Variants in PDCD6 observed in about 807,000 individuals in gnomAD.
PDCD6 encodes programmed cell death protein 6.
In PDCD6, 12 loss-of-function variants were observed where a neutral mutation model predicts 28.3. The observed-to-expected ratio is 0.42, with a 90% confidence interval of 0.27 to 0.69. The LOEUF (loss-of-function observed/expected upper bound fraction) is 0.69. PDCD6 is among the 30% of genes least tolerant of loss of function. The probability of loss-of-function intolerance (pLI) is 0.22; values close to 1 mark genes in which losing one functional copy is unlikely to be tolerated. For missense variants in PDCD6, 226 were observed against 269.9 expected, an observed-to-expected ratio of 0.84 and a Z score of 1.14; for synonymous variants, 92 against 108.0, an observed-to-expected ratio of 0.85 and a Z score of 0.92.
At chr5:302,584 G>A (rs1490759804) in intron 2 of PDCD6, among the ~76,000 whole-genome samples, 2 of 150,016 alleles carry the variant, frequency 1.3e-5, no homozygotes, top group Non-Finnish European at 3.0e-5. Flanking sequence ...GCTGGAGGGC[G>A]GGTCATCGAG....
intron 2 of PDCD6, among the ~76,000 whole-genome samples, chr5:280,131 C>G (rs1738474010): frequency 6.6e-6 from 1 of 151,604 alleles, no homozygotes; most frequent in Admixed American, 6.6e-5. Flanking sequence ...GAGAGGACAC[C>G]ATGTGTTCAT....
rs563921519 is a variant in PDCD6, at chr5:305,745, C to T, written c.209-857C>T. 3 of 152,328 alleles carry T rather than the reference C, an allele frequency of 2.0e-5. No individual in the cohort carries two copies. The highest frequency in any genetic ancestry group is 1.9e-4 in the East Asian group (1 of 5,168). 9.4% of individuals were successfully genotyped at this position (152,328 alleles called of 1,614,324 possible). ...TCCACACACCACACACGTCGTGGAA[C>T]GGTGCACGTCGTGGAACGGTTGTGT... On this transcript the variant is annotated intron_variant, in intron 3 of 5. Transcript: ENST00000264933. This position sits in a 1 kb window ranked among gnomAD's most constrained non-coding sequence, Gnocchi z 4.0.
At chr5:302,358 T>C (rs13186607) in intron 2 of PDCD6, among the ~76,000 whole-genome samples, 30 of 134,194 alleles carry the variant, frequency 2.2e-4, no homozygotes, top group Middle Eastern at 5.1e-3. Context: ...ACAGCTTCCC[T>C]GCATAACTGC....
chr5:273,575 T>C (rs1057193952), intron 2 of PDCD6, among the ~76,000 whole-genome samples: 9 of 152,112 alleles, frequency 5.9e-5, no homozygotes, highest in Admixed American at 2.0e-4. Flanking sequence ...TTTTGAGATG[T>C]TGTGAAAATG....
At chr5:284,872 C>T (rs988434622) in intron 2 of PDCD6, among the ~76,000 whole-genome samples, 3 of 135,794 alleles carry the variant, frequency 2.2e-5, no homozygotes, top group Non-Finnish European at 3.2e-5. Context: ...CTGGAGACCC[C>T]GCGGGAAGCT....
chr5:306,703 C>A lies in PDCD6; in HGVS notation c.310C>A (p.Arg104=), dbSNP rs186610320. The change falls in exon 4 of 6, where the codon CGG becomes AGG. Residue 104 remains arginine, a synonymous_variant. Transcript: ENST00000264933. The part of the protein sequence containing the change: ...DWQNVFRTYD[R]DNSGMIDKNE... ...GCAGAACGTCTTCCGCACGTACGAC[C>A]GGGACAACTCCGGGATGATCGATAA... 22 of 1,614,018 alleles carry A rather than the reference C, an allele frequency of 1.4e-5. No individual in the cohort carries two copies. The highest frequency in any genetic ancestry group is 8.3e-5 in the Admixed American group (5 of 60,024).
At chr5:282,902 G>A (rs1179679484) in intron 2 of PDCD6, among the ~76,000 whole-genome samples, 1 of 151,854 alleles carries the variant, frequency 6.6e-6, no homozygotes, top group African/African-American at 2.4e-5. Flanking sequence ...ATGAGCTGAG[G>A]TTCTAGTTTG....
At chr5:302,068 CTCTGTGTGTGTG>C (rs1267422560) in intron 2 of PDCD6, among the ~76,000 whole-genome samples, 1 of 63,374 alleles carries the variant, frequency 1.6e-5, no homozygotes, top group Non-Finnish European at 3.9e-5. Flanking sequence ...TTGAGTGCTG[CTCTGTGTGTGTG>C]TGTGTGTGTG....
intron 2 of PDCD6, among the ~76,000 whole-genome samples, chr5:283,644 G>T (rs1174119667): frequency 6.6e-6 from 1 of 151,422 alleles, no homozygotes; most frequent in Admixed American, 6.6e-5. Flanking sequence ...CTGAAGACTC[G>T]GAGAGGAGCT....
At chr5:280,962 A>G (rs1165057637) in intron 2 of PDCD6, among the ~76,000 whole-genome samples, 2 of 152,266 alleles carry the variant, frequency 1.3e-5, no homozygotes, top group Non-Finnish European at 2.9e-5. Flanking sequence ...GTTGGGATTA[A>G]TGTGTATTCT....
chr5:273,156 A>G (rs1737945273), intron 2 of PDCD6: 1 of 199,772 alleles, frequency 5.0e-6, no homozygotes, highest in Non-Finnish European at 1.1e-5. Context: ...CTTCGAGGGC[A>G]CTGGGGGGTG....
At chr5:278,035 T>C (rs1738312364) in intron 2 of PDCD6, among the ~76,000 whole-genome samples, 1 of 152,170 alleles carries the variant, frequency 6.6e-6, no homozygotes, top group Admixed American at 6.5e-5. Context: ...CAGCTCAGGT[T>C]CCGCCTAAGC....
chr5:275,178 T>C (rs952536691), intron 2 of PDCD6, among the ~76,000 whole-genome samples: 1 of 152,148 alleles, frequency 6.6e-6, no homozygotes, highest in Non-Finnish European at 1.5e-5. Flanking sequence ...CCCAACACTT[T>C]GGGAGGCCGA....
chr5:276,445 C>G, intron 2 of PDCD6: 2 of 986,490 alleles, frequency 2.0e-6, no homozygotes, highest in Non-Finnish European at 2.4e-6. Flanking sequence ...TATCCTCTTC[C>G]TTCTTCTCTC....
rs372360140 is a variant in PDCD6 at position 282,276 on chromosome 5, G to T, written c.163+9504G>T. Reference sequence around the variant, plus strand: ...AGGGTGGTGCAGCGGAAAAATCGGGGGGGGGGGAGCTGATGTTGTTCGCGT... The same window carrying T: ...AGGGTGGTGCAGCGGAAAAATCGGGTGGGGGGGAGCTGATGTTGTTCGCGT... On this transcript the variant is annotated intron_variant, in intron 2 of 5. Transcript: ENST00000264933. 7.6e-5 allele frequency among the ~76,000 whole-genome samples: 10 copies of T among 131,412 alleles called. No individual in the cohort carries two copies. The South Asian group carries it at 8.2e-4, about 11-fold the overall frequency. The allele number at this position is 131,412 out of a possible 152,430, so 86.2% of individuals were successfully genotyped here.
intron 4 of PDCD6, chr5:308,901 A>T (rs1740710869): frequency 6.5e-6 from 1 of 152,952 alleles, no homozygotes; most frequent in Non-Finnish European, 1.5e-5. Flanking sequence ...TGAAAAGGTG[A>T]GGAAGGCGTG....
At chr5:313,467 G>T (rs1386585108) in intron 5 of PDCD6, among the ~76,000 whole-genome samples, 5 of 151,328 alleles carry the variant, frequency 3.3e-5, no homozygotes, top group Admixed American at 6.6e-5. Flanking sequence ...CTGCAGGGTT[G>T]TTTTTTTTTC....
At chr5:309,466 T>TG in intron 4 of PDCD6, 1 of 163,736 alleles carries the variant, frequency 6.1e-6, no homozygotes, top group South Asian at 1.5e-4. Context: ...CCAGAGGCAG[T>TG]GGGGTTGCTC....
chr5:292,213 C>T (rs1460615640), intron 2 of PDCD6, among the ~76,000 whole-genome samples: 1 of 152,154 alleles, frequency 6.6e-6, no homozygotes, highest in Non-Finnish European at 1.5e-5. Context: ...CTCTTTTCCC[C>T]AGTTTCTGTT....
Sources: gnomAD v4.1 joint callset for allele counts (sites outside exome capture counted in the v4.1 genomes callset) on GRCh38, gnomAD v4.1.1 for gene constraint, Gnocchi (gnomAD v3.1) non-coding constraint, MANE v1.5 for transcripts, NCBI Gene and HGNC (gene_info 2026-07-23, HGNC 2026-07-21) for gene names.